Variants in EXOSC5 observed in about 807,000 individuals in gnomAD.
The protein encoded by EXOSC5 is exosome complex component RRP46.
A neutral mutation model predicts 23.7 loss-of-function variants in EXOSC5; 15 were observed. That is an observed-to-expected ratio of 0.63 (90% confidence interval 0.42 to 0.97). The LOEUF (loss-of-function observed/expected upper bound fraction) is 0.97, where lower values mean the gene tolerates loss of function less well. EXOSC5 is among the 50% of genes least tolerant of loss of function. The probability of loss-of-function intolerance (pLI) is 0.00; values close to 1 mark genes in which losing one functional copy is unlikely to be tolerated. For synonymous variants in EXOSC5, 143 were observed against 140.9 expected, an observed-to-expected ratio of 1.02 and a Z score of -0.11; for missense variants, 305 against 316.3, an observed-to-expected ratio of 0.96 and a Z score of 0.27.
rs1209180076 is a variant in EXOSC5, at chr19:41,386,520, C to T, written c.*113G>A. ...CAGGAGCCCTGTGGTTACAGAGCTG[C>T]AGGCTCAAGGAGCCCATGGGTCAGA... is the stretch of plus-strand genomic sequence containing the variant. On this transcript the variant is annotated 3_prime_UTR_variant, in exon 6 of 6. Coordinates refer to ENST00000221233, the MANE Select transcript of EXOSC5 (RefSeq NM_020158.4). 1 of 1,044,904 alleles carries T rather than the reference C, an allele frequency of 9.6e-7. No homozygotes were observed. Among genetic ancestry groups the T allele is most frequent in the East Asian group, 2.6e-5 (1 of 37,978 alleles). 64.7% of individuals were successfully genotyped at this position (1,044,904 alleles called of 1,614,324 possible). A position where few individuals can be genotyped will look rare whatever the true frequency, so the allele number is the denominator to read the frequency against.
intron 2 of EXOSC5, chr19:41,392,216 A>C: frequency 2.0e-6 from 1 of 504,176 alleles, no homozygotes; most frequent in Non-Finnish European, 3.4e-6. Context: ...CTGTGCTGCT[A>C]CCCACGCCCA....
chr19:41,386,769 T>C, intron 5 of EXOSC5, 44 bp from the exon 6 acceptor site: 1 of 1,525,380 alleles, frequency 6.6e-7, no homozygotes, highest in Non-Finnish European at 8.8e-7. Context: ...GAGCCCTTCA[T>C]GCACACACGA....
At chr19:41,387,438 A>T in intron 5 of EXOSC5, 76 bp downstream of exon 5, 1 of 1,200,466 alleles carries the variant, frequency 8.3e-7, no homozygotes, top group Non-Finnish European at 1.1e-6. Flanking sequence ...CTCAGAATCC[A>T]GGGCAGAGTT....
chr19:41,389,642 C>T lies in EXOSC5; in HGVS notation c.525+123G>A. 9 of 1,362,322 alleles carry T rather than the reference C, an allele frequency of 6.6e-6. No individual in the cohort carries two copies. In the South Asian group the frequency reaches 1.3e-4, roughly 19 times the overall value. The allele number at this position is 1,362,322 out of a possible 1,614,324, so 84.4% of individuals were successfully genotyped here. ...GCTAAATGAACCATGATGATTAGAG[C>T]AGCCCTTGCTAAGTGGGATTGAGGT... On this transcript the variant is annotated intron_variant, in intron 4 of 5. Coordinates refer to ENST00000221233, the MANE Select transcript of EXOSC5 (RefSeq NM_020158.4).
chr19:41,389,437 G>T (rs2123220952), intron 4 of EXOSC5, among the ~76,000 whole-genome samples: 1 of 152,028 alleles, frequency 6.6e-6, no homozygotes, highest in Middle Eastern at 3.4e-3. Flanking sequence ...GGCTAATTTT[G>T]TATTTTTAGT....
chr19:41,390,256 T>C (rs1158064902), intron 3 of EXOSC5, among the ~76,000 whole-genome samples: 1 of 152,192 alleles, frequency 6.6e-6, no homozygotes, highest in African/African-American at 2.4e-5. Flanking sequence ...ACTGTAGGCC[T>C]GGCCAGCAGA....
intron 3 of EXOSC5, 50 bp downstream of exon 3, chr19:41,391,791 G>C (rs1465728216): frequency 1.4e-6 from 2 of 1,470,482 alleles, no homozygotes; most frequent in Non-Finnish European, 1.8e-6. Context: ...CCGCCAGGAG[G>C]GAAGCAATCA....
At chr19:41,393,558 G>C (rs2039040193) in intron 1 of EXOSC5, among the ~76,000 whole-genome samples, 1 of 91,316 alleles carries the variant, frequency 1.1e-5, no homozygotes, top group African/African-American at 6.3e-5. Flanking sequence ...CCTGATATTA[G>C]TAATTTTTTT....
At chr19:41,389,672 T>A in intron 4 of EXOSC5, 93 bp downstream of exon 4, 1 of 1,508,890 alleles carries the variant, frequency 6.6e-7, no homozygotes, top group Non-Finnish European at 8.9e-7. Flanking sequence ...TGAGGTGGCA[T>A]GAGCCGACTG....
At position 41,387,169 on chromosome 19, in the gene EXOSC5, C is replaced by G. The variant is rs531050836; in HGVS notation, c.615+345G>C. ...ATTCATGAGGTCCAGGTTGGACATGCTTTTGCAGACAGTCATGTCCAAGAG... is the reference window on the plus strand; with the variant it reads ...ATTCATGAGGTCCAGGTTGGACATGGTTTTGCAGACAGTCATGTCCAAGAG... On this transcript the variant is annotated intron_variant, in intron 5 of 5. Coordinates refer to ENST00000221233, the MANE Select transcript of EXOSC5 (RefSeq NM_020158.4). Among the ~76,000 whole-genome samples, 14 of 152,306 alleles carry G rather than the reference C, an allele frequency of 9.2e-5. 1 individual carries two copies. The highest frequency in any genetic ancestry group is 2.2e-4 in the African/African-American group (9 of 41,570).
intron 2 of EXOSC5, 69 bp downstream of exon 2, chr19:41,392,798 T>G (rs1599941437): frequency 7.1e-7 from 1 of 1,418,280 alleles, no homozygotes; most frequent in African/African-American, 1.4e-5. Flanking sequence ...GGGCAGCTGG[T>G]AGGGAGGAGC....
chr19:41,388,011 C>G lies in EXOSC5; in HGVS notation c.526-408G>C, dbSNP rs900176859. On this transcript the variant is annotated intron_variant, in intron 4 of 5. Transcript: ENST00000221233. ...CCAGTCCCACTGAGGGGACTCCGGA[C>G]CCTTGGCCTCCAGGCCTCTCCCTTT... Among the ~76,000 whole-genome samples the G allele has an allele frequency of 1.2e-4, 18 of 152,226 alleles. 1 individual carries two copies. Among genetic ancestry groups the G allele is most frequent in the Non-Finnish European group, 2.5e-4 (17 of 68,036 alleles).
chr19:41,391,356 G>C (rs571797773), intron 3 of EXOSC5, among the ~76,000 whole-genome samples: 2 of 152,268 alleles, frequency 1.3e-5, no homozygotes, highest in African/African-American at 2.4e-5. Context: ...GACAGAGTGA[G>C]AGCCTGTCTC....
At chr19:41,392,032 CA>C (rs1216195772) in intron 2 of EXOSC5, 70 bp from the exon 3 acceptor site, 1 of 1,529,228 alleles carries the variant, frequency 6.5e-7, no homozygotes, top group Non-Finnish European at 8.7e-7. Context: ...ACGCCTCACC[CA>C]AATTCCCAGA....
intron 1 of EXOSC5, among the ~76,000 whole-genome samples, chr19:41,393,652 C>T (rs1314780683): frequency 6.6e-6 from 1 of 151,868 alleles, no homozygotes; most frequent in African/African-American, 2.4e-5. Flanking sequence ...CTCTGCCTCC[C>T]GGGTTCAAGC....
intron 1 of EXOSC5, among the ~76,000 whole-genome samples, chr19:41,393,797 G>A (rs1316693944): frequency 6.6e-6 from 1 of 151,944 alleles, no homozygotes; most frequent in Non-Finnish European, 1.5e-5. Flanking sequence ...CTGACCTCAT[G>A]ATCTGCCCGC....
At chr19:41,392,528 G>A (rs978367497) in intron 2 of EXOSC5, among the ~76,000 whole-genome samples, 11 of 152,086 alleles carry the variant, frequency 7.2e-5, no homozygotes, top group African/African-American at 2.7e-4. Flanking sequence ...AGGTTGCAGT[G>A]AGCTGAGATC....
intron 5 of EXOSC5, 99 bp from the exon 6 acceptor site, chr19:41,386,824 A>T (rs2038988390): frequency 9.8e-7 from 1 of 1,022,188 alleles, no homozygotes. Context: ...TGACTCCCTT[A>T]ACCTCCCATC....
At chr19:41,393,768 C>G (rs539238761) in intron 1 of EXOSC5, among the ~76,000 whole-genome samples, 2 of 152,152 alleles carry the variant, frequency 1.3e-5, no homozygotes, top group South Asian at 4.2e-4. Flanking sequence ...CCATGTTGGT[C>G]AGGCTGGTCT....
Sources: gnomAD v4.1 joint callset for allele counts (sites outside exome capture counted in the v4.1 genomes callset) on GRCh38, gnomAD v4.1.1 for gene constraint, MANE v1.5 for transcripts, NCBI Gene and HGNC (gene_info 2026-07-23, HGNC 2026-07-21) for gene names.